WDTC1: variants seen among roughly 807,000 people sequenced by gnomAD.
WDTC1 encodes WD and tetratricopeptide repeats protein 1.
In WDTC1, 12 loss-of-function variants were observed where a neutral mutation model predicts 76.0. That is an observed-to-expected ratio of 0.16 (90% CI 0.10 to 0.26). The LOEUF is 0.26. WDTC1 is among the 10% of genes least tolerant of loss of function. WDTC1 has a pLI of 1.00. For synonymous variants in WDTC1, 326 were observed against 350.8 expected, an observed-to-expected ratio of 0.93 and a Z score of 0.79; for missense variants, 511 against 908.8, an observed-to-expected ratio of 0.56 and a Z score of 5.63.
chr1:27,304,083 G>C (rs2013896455), intron 14 of WDTC1: 1 of 366,030 alleles, frequency 2.7e-6, no homozygotes, highest in African/African-American at 2.2e-5. Flanking sequence ...TTCTCCCTCT[G>C]TCTGCATGTG....
intron 3 of WDTC1, among the ~76,000 whole-genome samples, chr1:27,278,906 T>C (rs1229644024): frequency 6.6e-6 from 1 of 151,758 alleles, no homozygotes; most frequent in Non-Finnish European, 1.5e-5. Flanking sequence ...CAACTAAAAA[T>C]ACAAAAATTA....
chr1:27,289,673 A>G (rs2147974044), intron 6 of WDTC1, among the ~76,000 whole-genome samples: 1 of 152,318 alleles, frequency 6.6e-6, no homozygotes, highest in South Asian at 2.1e-4. Flanking sequence ...AGATCACGCC[A>G]CTGCACTCCA....
At chr1:27,275,079 G>A (rs2012983507) in intron 3 of WDTC1, among the ~76,000 whole-genome samples, 1 of 152,114 alleles carries the variant, frequency 6.6e-6, no homozygotes. Context: ...TCCTGGCTTG[G>A]TGGATTTATT....
At chr1:27,296,193 G>C in intron 9 of WDTC1, 133 bp from the exon 10 acceptor site, 1 of 1,075,804 alleles carries the variant, frequency 9.3e-7, no homozygotes, top group Non-Finnish European at 1.4e-6. Context: ...TCTTAGGATA[G>C]CTTGATTGTT....
chr1:27,235,988 A>G (rs74683791), intron 1 of WDTC1, among the ~76,000 whole-genome samples: 1 of 152,096 alleles, frequency 6.6e-6, no homozygotes, highest in Admixed American at 6.6e-5. Context: ...AACCGTTTTG[A>G]GAAGAAACTA....
chr1:27,240,279 GA>G lies in WDTC1; in HGVS notation c.-100+5329del, dbSNP rs375297883. ...ATCCCCACTTTACAAATGAGAAACT[GA>G]GACTCTAGACTAAAGTTAAGGAATA... On this transcript the variant is annotated intron_variant, in intron 1 of 15. Transcript: ENST00000319394. Among the ~76,000 whole-genome samples, 320 of 152,246 alleles carry G rather than the reference GA, an allele frequency of 2.1e-3. 2 individuals are homozygous for G. The highest frequency in any genetic ancestry group is 7.3e-3 in the African/African-American group (305 of 41,542).
At chr1:27,294,200 G>A in intron 8 of WDTC1, 84 bp downstream of exon 8, 1 of 1,421,872 alleles carries the variant, frequency 7.0e-7, no homozygotes. Context: ...AGCATGGCAT[G>A]GTGGTCAAGA....
intron 3 of WDTC1, among the ~76,000 whole-genome samples, chr1:27,270,868 T>A (rs1402006542): frequency 6.6e-6 from 1 of 152,198 alleles, no homozygotes; most frequent in African/African-American, 2.4e-5. Context: ...TCTCCATAAC[T>A]CATCAGTAGA....
rs2013914035 is a variant in WDTC1, at chr1:27,304,840, A to C, written c.1644-161A>C. ...GTTTAAGAGAACAGTGACCAGGGCTATATACCTGGAGGAATTCTGGGTCAA... is the reference window on the plus strand; with the variant it reads ...GTTTAAGAGAACAGTGACCAGGGCTCTATACCTGGAGGAATTCTGGGTCAA... On this transcript the variant is annotated intron_variant, in intron 14 of 15. Coordinates refer to ENST00000319394, the MANE Select transcript of WDTC1 (RefSeq NM_001276252.2). 3 of 665,874 alleles carry C rather than the reference A, an allele frequency of 4.5e-6. No individual in the cohort carries two copies. The South Asian group carries it at 6.2e-5, about 14-fold the overall frequency. 41.2% of individuals were successfully genotyped at this position (665,874 alleles called of 1,614,324 possible).
At position 27,253,393 on chromosome 1, in the gene WDTC1, C is replaced by CTCCCCT. The variant is rs1231581325; in HGVS notation, c.-99-7558_-99-7557insTTCCCC. ...TTCTTCTTTCTTCTTTCTTCTTCCC[C>CTCCCCT]TCCCCCTCCCCCTCCCCTCCTCCTC... On this transcript the variant is annotated intron_variant, in intron 1 of 15. Coordinates refer to ENST00000319394, the MANE Select transcript of WDTC1 (RefSeq NM_001276252.2). Among the ~76,000 whole-genome samples the CTCCCCT allele has an allele frequency of 1.3e-4, 10 of 76,870 alleles. 1 individual carries two copies. Among genetic ancestry groups the CTCCCCT allele is most frequent in the Non-Finnish European group, 2.0e-4 (9 of 44,694 alleles). 50.4% of individuals were successfully genotyped at this position (76,870 alleles called of 152,430 possible).
intron 6 of WDTC1, among the ~76,000 whole-genome samples, chr1:27,288,953 G>A (rs1217354581): frequency 2.1e-5 from 3 of 145,458 alleles, no homozygotes; most frequent in Non-Finnish European, 3.0e-5. Flanking sequence ...CTCACCTCCC[G>A]GACGGGGCGG....
intron 3 of WDTC1, among the ~76,000 whole-genome samples, chr1:27,266,370 A>C (rs536291481): frequency 9.2e-5 from 14 of 152,280 alleles, no homozygotes; most frequent in African/African-American, 3.4e-4. Context: ...TTGGAGTTGG[A>C]GGGAATACTA....
intron 1 of WDTC1, among the ~76,000 whole-genome samples, chr1:27,258,619 G>A (rs1242396672): frequency 2.6e-5 from 4 of 152,110 alleles, no homozygotes; most frequent in East Asian, 1.9e-4. Context: ...TTATGGAGGC[G>A]TTAGCCCCAA....
At chr1:27,239,517 CA>C (rs1165446864) in intron 1 of WDTC1, among the ~76,000 whole-genome samples, 1,343 of 40,590 alleles carry the variant, frequency 0.033, 1 homozygote, top group African/African-American at 0.057. Flanking sequence ...GACCCTGTCT[CA>C]AAAAAAAAAA....
intron 1 of WDTC1, among the ~76,000 whole-genome samples, chr1:27,254,467 T>C (rs2012205472): frequency 6.6e-6 from 1 of 152,020 alleles, no homozygotes; most frequent in Non-Finnish European, 1.5e-5. Context: ...AACATGGTGA[T>C]GCACTCCTGT....
In WDTC1 at chr1:27,243,694, T is replaced by C. The variant is rs565072340; in HGVS notation, c.-100+8743T>C. Among the ~76,000 whole-genome samples the C allele has an allele frequency of 5.6e-4, 85 of 152,330 alleles. 1 individual carries two copies. The highest frequency in any genetic ancestry group is 1.7e-3 in the Admixed American group (26 of 15,282). On this transcript the variant is annotated intron_variant, in intron 1 of 15. Transcript: ENST00000319394. The stretch of plus-strand genomic sequence containing the variant: ...GGATTATTATGAGGAGTCTGTGAGA[T>C]GACACTTGTAAACTGTTAGAATGTT...
intron 6 of WDTC1, among the ~76,000 whole-genome samples, chr1:27,291,676 T>A (rs2013540455): frequency 6.6e-6 from 1 of 152,204 alleles, no homozygotes; most frequent in South Asian, 2.1e-4. Context: ...TAGATAGCTC[T>A]TAGATGATCT....
At chr1:27,299,803 GGGTGAGCCCT>G (rs750795116) in intron 12 of WDTC1, among the ~76,000 whole-genome samples, 1 of 152,054 alleles carries the variant, frequency 6.6e-6, no homozygotes, top group Non-Finnish European at 1.5e-5. Context: ...AGTCTAGGAA[GGGTGAGCCCT>G]GGGGCCAGCC....
chr1:27,305,470 TGA>T lies in WDTC1; in HGVS notation c.1836+282_1836+283del, dbSNP rs1312764000. Among the ~76,000 whole-genome samples, 1 of 152,222 alleles carries T rather than the reference TGA, an allele frequency of 6.6e-6. No homozygotes were observed. Among genetic ancestry groups the T allele is most frequent in the Non-Finnish European group, 1.5e-5 (1 of 68,040 alleles). ...GAATCCAGTCTCCTCACTCGCTGCC[TGA>T]GAGACTTCACCATCTCTGACCCAGG... is the stretch of plus-strand genomic sequence containing the variant. On this transcript the variant is annotated intron_variant, in intron 15 of 15. Coordinates refer to ENST00000319394, the MANE Select transcript of WDTC1 (RefSeq NM_001276252.2). This position sits in a 1 kb window ranked among gnomAD's most constrained non-coding sequence, Gnocchi z 4.6.
Sources: allele counts gnomAD v4.1 joint callset (sites outside exome capture counted in the v4.1 genomes callset), GRCh38; gene constraint gnomAD v4.1.1; non-coding constraint Gnocchi (gnomAD v3.1); transcripts MANE v1.5; gene names NCBI Gene and HGNC (gene_info 2026-07-23, HGNC 2026-07-21).